NRXN3: variants seen among roughly 807,000 people sequenced by gnomAD.
The protein encoded by NRXN3 is neurexin III.
A neutral mutation model predicts 137.6 loss-of-function variants in NRXN3; 32 were observed. That is an observed-to-expected ratio of 0.23 (90% CI 0.18 to 0.31). The LOEUF is 0.31. Among genes scored for constraint, NRXN3 ranks in the 10% least tolerant of loss-of-function variants. The pLI is 1.00. For missense variants in NRXN3, 1,574 were observed against 2,062.5 expected (o/e 0.76, Z 4.59); for synonymous variants, 798 against 784.5 (o/e 1.02, Z -0.29).
intron 4 of NRXN3, chr14:78,300,538 T>C (rs1567202206): frequency 1.7e-6 from 1 of 589,736 alleles, no homozygotes; most frequent in Non-Finnish European, 3.0e-6. Context: ...GTTGTGAGTT[T>C]TTGTTTTGTG....
intron 4 of NRXN3, among the ~76,000 whole-genome samples, chr14:78,438,107 C>A (rs2094132251): frequency 6.6e-6 from 1 of 151,982 alleles, no homozygotes; most frequent in Admixed American, 6.6e-5. Context: ...GTAAAATTGA[C>A]AGGATATGGT....
intron 15 of NRXN3, among the ~76,000 whole-genome samples, chr14:79,247,640 C>A (rs1330108685): frequency 6.6e-5 from 10 of 152,060 alleles, no homozygotes; most frequent in Admixed American, 3.3e-4. Context: ...ATGGAAACAG[C>A]CAAAAGCTAG....
intron 15 of NRXN3, among the ~76,000 whole-genome samples, chr14:79,300,807 G>C (rs1258618989): frequency 1.3e-5 from 2 of 152,124 alleles, no homozygotes; most frequent in African/African-American, 2.4e-5. Context: ...AAGGGTGAGC[G>C]TGCAAGGATG....
At chr14:78,277,765 A>G (rs1314258202) in intron 2 of NRXN3, among the ~76,000 whole-genome samples, 1 of 152,088 alleles carries the variant, frequency 6.6e-6, no homozygotes, top group Non-Finnish European at 1.5e-5. Context: ...ATTCTATTTC[A>G]CATCTGAGGG....
chr14:78,751,903 G>C (rs190872382), intron 8 of NRXN3, among the ~76,000 whole-genome samples: 1 of 152,218 alleles, frequency 6.6e-6, no homozygotes, highest in Admixed American at 6.5e-5. Context: ...TCATGTACAC[G>C]GCAAAGCATG....
intron 8 of NRXN3, among the ~76,000 whole-genome samples, chr14:78,742,803 A>T (rs17108186): frequency 6.6e-6 from 1 of 152,228 alleles, no homozygotes; most frequent in Non-Finnish European, 1.5e-5. Context: ...ATAATAATTT[A>T]TCACAGGAAC....
chr14:78,397,984 G>C (rs1440907991), intron 4 of NRXN3, among the ~76,000 whole-genome samples: 1 of 150,992 alleles, frequency 6.6e-6, no homozygotes, highest in Non-Finnish European at 1.5e-5. Context: ...GGAGGCTGAG[G>C]TGGGCAGATC....
chr14:79,476,345 C>T (rs866815547), intron 16 of NRXN3, among the ~76,000 whole-genome samples: 1 of 152,046 alleles, frequency 6.6e-6, no homozygotes, highest in African/African-American at 2.4e-5. Context: ...GTACCGACAG[C>T]CAGACCTGTC....
chr14:79,815,011 T>G (rs571219261), intron 20 of NRXN3, among the ~76,000 whole-genome samples: 3 of 152,362 alleles, frequency 2.0e-5, no homozygotes, highest in Admixed American at 2.0e-4. Context: ...TTTTAATTCA[T>G]GGAAGCATTA....
chr14:78,675,533 G>A (rs1167493333), intron 6 of NRXN3, among the ~76,000 whole-genome samples: 1 of 152,122 alleles, frequency 6.6e-6, no homozygotes. Context: ...TCCTTGATGA[G>A]TTAATTTTGC....
chr14:79,206,731 G>T (rs190110641), intron 15 of NRXN3, among the ~76,000 whole-genome samples: 27 of 152,084 alleles, frequency 1.8e-4, no homozygotes, highest in African/African-American at 5.8e-4. Flanking sequence ...CTCTTTTTTA[G>T]AATTTTTCTT....
At position 79,610,839 on chromosome 14, in the gene NRXN3, A is replaced by T. The variant is rs558819917; in HGVS notation, c.3445-52939A>T. ...CACCCATTTATCAAAGCCTCTGTAG[A>T]GTTAAAGACAAGTACAGTGCCCATG... is the stretch of plus-strand genomic sequence containing the variant. On this transcript the variant is annotated intron_variant, in intron 16 of 20. Transcript: ENST00000335750. Among the ~76,000 whole-genome samples, 117 of 152,324 alleles carry T rather than the reference A, an allele frequency of 7.7e-4. 1 individual carries two copies. The highest frequency in any genetic ancestry group is 2.6e-3 in the African/African-American group (108 of 41,584).
chr14:78,668,938 G>A (rs61976151), intron 6 of NRXN3, among the ~76,000 whole-genome samples: 205 of 110,852 alleles, frequency 1.8e-3, no homozygotes, highest in African/African-American at 6.0e-3. Context: ...CTATCTGTCT[G>A]TCTGTCTGTC....
chr14:79,494,746 C>T (rs1333239540), intron 16 of NRXN3, among the ~76,000 whole-genome samples: 1 of 152,134 alleles, frequency 6.6e-6, no homozygotes, highest in Non-Finnish European at 1.5e-5. Flanking sequence ...CACTGAGCTT[C>T]CACTAACGTT....
intron 15 of NRXN3, among the ~76,000 whole-genome samples, chr14:79,259,096 A>T (rs576286637): frequency 6.6e-6 from 1 of 152,244 alleles, no homozygotes; most frequent in Admixed American, 6.5e-5. Context: ...CAAAAAAAAG[A>T]TAAGAGGCAG....
chr14:79,567,424 A>G (rs1183565977), intron 16 of NRXN3, among the ~76,000 whole-genome samples: 1 of 152,064 alleles, frequency 6.6e-6, no homozygotes, highest in Non-Finnish European at 1.5e-5. Context: ...TAATTACTTA[A>G]GTTTATTAAG....
chr14:78,630,246 T>C (rs1201874403), intron 4 of NRXN3, among the ~76,000 whole-genome samples: 1 of 152,186 alleles, frequency 6.6e-6, no homozygotes, highest in Non-Finnish European at 1.5e-5. Context: ...GAATCTCTGG[T>C]TCCAGATTAT....
rs113127609 is a variant in NRXN3, at chr14:78,630,913, A to G, written c.758-14207A>G. On this transcript the variant is annotated intron_variant, in intron 4 of 20. Coordinates refer to ENST00000335750, the MANE Select transcript of NRXN3 (RefSeq NM_001330195.2). ...AGCCGCTGCACCCGGCCATTTTTCT[A>G]AATGTATTATAGATTGATGAAAACT... Among the ~76,000 whole-genome samples, 602 of 152,230 alleles carry G rather than the reference A, an allele frequency of 4.0e-3. 5 individuals are homozygous for G. Among genetic ancestry groups the G allele is most frequent in the African/African-American group, 0.013 (551 of 41,540 alleles).
chr14:78,647,466 G>C (rs1170060517), intron 5 of NRXN3, among the ~76,000 whole-genome samples: 3 of 152,184 alleles, frequency 2.0e-5, no homozygotes, highest in Non-Finnish European at 4.4e-5. Flanking sequence ...GCTCATCCAT[G>C]GTCTAGGTAT....
Sources: gnomAD v4.1 joint callset for allele counts (sites outside exome capture counted in the v4.1 genomes callset) on GRCh38, gnomAD v4.1.1 for gene constraint, MANE v1.5 for transcripts, NCBI Gene and HGNC (gene_info 2026-07-23, HGNC 2026-07-21) for gene names.